The following STARD8 variants were observed in gnomAD, a reference collection of about 807,000 sequenced individuals.
STARD8 encodes StAR related lipid transfer domain containing 8.
STARD8 carries 25 observed loss-of-function variants against 69.4 expected under a neutral mutation model. The observed-to-expected ratio is 0.36, with a 90% CI of 0.26 to 0.50. The LOEUF (loss-of-function observed/expected upper bound fraction) is 0.50, where lower values mean the gene tolerates loss of function less well. Ranked by LOEUF, STARD8 falls within the 20% of genes least tolerant of loss-of-function variation. The pLI is 0.96. For synonymous variants in STARD8, 389 were observed against 374.6 expected (o/e 1.04, Z -0.45); for missense variants, 921 against 932.5 (o/e 0.99, Z 0.16).
intron 2 of STARD8, among the ~76,000 whole-genome samples, chrX:68,699,332 C>T (rs1368494843): frequency 1.8e-5 from 2 of 112,477 alleles, no homozygotes; most frequent in South Asian, 3.7e-4. Context: ...TGGGGCTTCC[C>T]GACAGGTACT....
intron 2 of STARD8, among the ~76,000 whole-genome samples, chrX:68,681,445 CAG>C (rs1405485059): frequency 4.4e-5 from 5 of 112,495 alleles, no homozygotes; most frequent in Non-Finnish European, 9.4e-5. Flanking sequence ...TACTGAATGG[CAG>C]AGTCAGGACT....
chrX:68,722,391 G>A, intron 11 of STARD8, 31 bp from the exon 12 acceptor site: 1 of 1,148,791 alleles, frequency 8.7e-7, no homozygotes, highest in Non-Finnish European at 1.2e-6. Context: ...GCTCTCTGGA[G>A]CTGCAGCCCA....
intron 1 of STARD8, among the ~76,000 whole-genome samples, chrX:68,653,409 ACAC>A (rs2079586088): frequency 1.6e-5 from 1 of 64,020 alleles, no homozygotes; most frequent in Non-Finnish European, 2.9e-5. Flanking sequence ...CACACCACAC[ACAC>A]CACACCACAC....
intron 2 of STARD8, among the ~76,000 whole-genome samples, chrX:68,702,729 T>C (rs2079975518): frequency 9.0e-6 from 1 of 110,830 alleles, no homozygotes; most frequent in African/African-American, 3.3e-5. Flanking sequence ...TTTCCTCCTC[T>C]GTAAAATAGA....
intron 2 of STARD8, among the ~76,000 whole-genome samples, chrX:68,686,663 T>C (rs1045758490): frequency 3.5e-5 from 4 of 113,134 alleles, no homozygotes; most frequent in African/African-American, 9.6e-5. Flanking sequence ...CCTCCTTGTT[T>C]GGTTCCAGCC....
At chrX:68,652,949 ACAC>A (rs2079564604) in intron 1 of STARD8, among the ~76,000 whole-genome samples, 1 of 51,354 alleles carries the variant, frequency 1.9e-5, no homozygotes, top group African/African-American at 7.5e-5. Context: ...CACACACACC[ACAC>A]CACACACACA....
Position 68,720,992 on chromosome X carries a change from G to C in STARD8, c.2118G>C (p.Ser706=). 4.1e-6 allele frequency: 5 copies of C among 1,211,658 alleles called. No individual in the cohort carries two copies. The highest frequency in any genetic ancestry group is 5.6e-6 in the Non-Finnish European group (5 of 895,489). Residue 706 remains serine, a synonymous_variant, in exon 9 of 15, where the codon TCG becomes TCC. Transcript: ENST00000374599. ...IQNLRQMNET[S]PDNVCYEGQS... is the part of the protein sequence containing the mutation. ...ACCTGCGTCAAATGAATGAGACCTC[G>C]CCTGACAATGTCTGCTACGAGGGCC...
At chrX:68,709,106 C>A (rs1404974266) in intron 2 of STARD8, among the ~76,000 whole-genome samples, 1 of 112,341 alleles carries the variant, frequency 8.9e-6, no homozygotes, top group Non-Finnish European at 1.9e-5. Flanking sequence ...CCCAGCCCTC[C>A]ATGAGATGGT....
intron 1 of STARD8, chrX:68,656,657 A>AGTATAC (rs1311532508): frequency 1.4e-4 from 16 of 112,169 alleles, no homozygotes; most frequent in African/African-American, 4.2e-4. Flanking sequence ...ACCTATACAC[A>AGTATAC]CCATGGAATA....
At chrX:68,704,197 G>T (rs1416257290) in intron 2 of STARD8, among the ~76,000 whole-genome samples, 1 of 112,092 alleles carries the variant, frequency 8.9e-6, no homozygotes, top group Non-Finnish European at 1.9e-5. Context: ...AAATGTGTTA[G>T]GGGACTGCTT....
At chrX:68,691,974 G>C (rs146311307) in intron 2 of STARD8, among the ~76,000 whole-genome samples, 1 of 112,577 alleles carries the variant, frequency 8.9e-6, no homozygotes, top group East Asian at 2.8e-4. Context: ...TGGTTTCCTG[G>C]AGTGGATGGA....
At position 68,725,231 on chromosome X, in the gene STARD8, CAGAGTGTGGTTAAG is replaced by C. The variant is rs1197470187; in HGVS notation, c.*813_*826del. 1 of 110,412 alleles carries C rather than the reference CAGAGTGTGGTTAAG, an allele frequency of 9.1e-6. No individual in the cohort carries two copies. Among genetic ancestry groups the C allele is most frequent in the East Asian group, 2.9e-4 (1 of 3,465 alleles). The allele number at this position is 110,412 out of a possible 1,213,427, so 9.1% of individuals were successfully genotyped here. On this transcript the variant is annotated 3_prime_UTR_variant, in exon 15 of 15. Transcript: ENST00000374599. ...TGACACTGCCCAGGCCAAGCAAAAGCAGAGTGTGGTTAAGAGACAAGGGTCTATGTCATCATCCC... is the reference window on the plus strand; with the variant it reads ...TGACACTGCCCAGGCCAAGCAAAAGCAGACAAGGGTCTATGTCATCATCCC...
intron 2 of STARD8, among the ~76,000 whole-genome samples, chrX:68,667,763 G>A (rs932605867): frequency 5.4e-5 from 6 of 111,075 alleles, no homozygotes; most frequent in Admixed American, 2.9e-4. Flanking sequence ...CAGGAATCTC[G>A]GGGCAGGAAA....
rs777230336 is a variant in STARD8 at position 68,718,115 on chromosome X, C to T, written c.1201C>T (p.Arg401Ter). 4.1e-6 allele frequency: 5 copies of T among 1,211,625 alleles called. No homozygotes were observed. The highest frequency in any genetic ancestry group is 4.5e-6 in the Non-Finnish European group (4 of 895,417). Reference sequence around the variant, plus strand: ...CCAGCACGTGTGGGGGCTACAGCAACGAGTAGAGCTGTGGTCTCGGGCCAT... The same window carrying T: ...CCAGCACGTGTGGGGGCTACAGCAATGAGTAGAGCTGTGGTCTCGGGCCAT... Reference protein sequence around the residue: ...ILQHVWGLQQRVELWSRAMYP... With the variant: ...ILQHVWGLQQ The change falls in exon 6 of 15, where the codon CGA becomes TGA. Residue 401 changes from arginine (R) to a stop codon, truncating the protein, a stop_gained. Transcript: ENST00000374599. LOFTEE classifies it high-confidence loss of function.
At chrX:68,656,686 G>T (rs2079612881) in intron 1 of STARD8, 1 of 111,837 alleles carries the variant, frequency 8.9e-6, no homozygotes, top group African/African-American at 3.3e-5. Flanking sequence ...CCATAAAAAA[G>T]GATGAGTTCG....
At chrX:68,653,073 ACACACAC>A (rs2079570948) in intron 1 of STARD8, among the ~76,000 whole-genome samples, 2 of 43,089 alleles carry the variant, frequency 4.6e-5, no homozygotes, top group African/African-American at 9.9e-5. Context: ...CACACACCAC[ACACACAC>A]CACACCACAC....
intron 1 of STARD8, among the ~76,000 whole-genome samples, chrX:68,654,999 G>T (rs779683405): frequency 1.8e-5 from 2 of 112,251 alleles, no homozygotes; most frequent in Admixed American, 9.4e-5. Flanking sequence ...GTGTGTATTT[G>T]TTGTGGAAGG....
chrX:68,670,997 C>T (rs2079724853), intron 2 of STARD8, among the ~76,000 whole-genome samples: 1 of 111,833 alleles, frequency 8.9e-6, no homozygotes, highest in East Asian at 2.8e-4. Flanking sequence ...GCAACCGCTA[C>T]CTAACTGGTC....
intron 1 of STARD8, among the ~76,000 whole-genome samples, chrX:68,660,320 C>A (rs2079636500): frequency 8.9e-6 from 1 of 111,956 alleles, no homozygotes; most frequent in Non-Finnish European, 1.9e-5. Flanking sequence ...TGAAGCCCAG[C>A]AAAGAATTGG....
Sources: allele counts gnomAD v4.1 joint callset (sites outside exome capture counted in the v4.1 genomes callset), GRCh38; gene constraint gnomAD v4.1.1; transcripts MANE v1.5; gene names NCBI Gene and HGNC (gene_info 2026-07-23, HGNC 2026-07-21).